Variants in SNX31 observed in about 807,000 individuals in gnomAD.
SNX31 encodes sorting nexin-31.
A neutral mutation model predicts 65.4 loss-of-function variants in SNX31; 58 were observed. The observed-to-expected ratio is 0.89, with a 90% confidence interval of 0.72 to 1.10. SNX31 has a LOEUF of 1.10. Ranked by LOEUF, SNX31 falls within the 50% of genes least tolerant of loss-of-function variation. SNX31 has a pLI of 0.00. For missense variants in SNX31, 523 were observed against 529.7 expected (o/e 0.99, Z 0.12); for synonymous variants, 181 against 190.1 (o/e 0.95, Z 0.39).
chr8:100,646,809 A>C (rs541194993), intron 2 of SNX31, among the ~76,000 whole-genome samples: 1 of 152,308 alleles, frequency 6.6e-6, no homozygotes, highest in East Asian at 1.9e-4. Flanking sequence ...AAAGTATGTT[A>C]GTTTAGGACT....
At chr8:100,649,123 T>G (rs1397274452) in intron 2 of SNX31, 151 bp downstream of exon 2, 3 of 700,222 alleles carry the variant, frequency 4.3e-6, no homozygotes, top group Admixed American at 4.9e-5. Context: ...GCAATTCAGT[T>G]CATCCTTACC....
At chr8:100,649,671 T>G (rs1442241274), upstream of SNX31, 3 of 645,996 alleles carry the variant, frequency 4.6e-6, no homozygotes, top group Non-Finnish European at 5.0e-6. Flanking sequence ...CATCTACAGG[T>G]GGGGCCGGGG....
intron 9 of SNX31, among the ~76,000 whole-genome samples, chr8:100,598,501 T>A (rs1032500798): frequency 2.0e-5 from 3 of 149,870 alleles, no homozygotes; most frequent in African/African-American, 7.7e-5. Flanking sequence ...TTTGTTTAAT[T>A]AAAAGTGAAG....
upstream of SNX31, among the ~76,000 whole-genome samples, chr8:100,650,943 C>T (rs1207682875): frequency 6.6e-6 from 1 of 151,106 alleles, no homozygotes. Context: ...ACCTCTGCCT[C>T]CCGGGTTCAA....
At chr8:100,590,918 A>G (rs1283853450) in intron 10 of SNX31, among the ~76,000 whole-genome samples, 2 of 152,198 alleles carry the variant, frequency 1.3e-5, no homozygotes, top group African/African-American at 2.4e-5. Flanking sequence ...TAATTATCCC[A>G]GCTTACCACC....
At chr8:100,598,358 G>C (rs1369451969) in intron 9 of SNX31, among the ~76,000 whole-genome samples, 1 of 152,218 alleles carries the variant, frequency 6.6e-6, no homozygotes, top group Non-Finnish European at 1.5e-5. Context: ...ACAGAGAGTA[G>C]TGTCATGCTT....
chr8:100,593,534 A>G (rs1814779789), intron 10 of SNX31, among the ~76,000 whole-genome samples: 1 of 149,772 alleles, frequency 6.7e-6, no homozygotes, highest in African/African-American at 2.5e-5. Flanking sequence ...GCTCACTGCA[A>G]CCTCCCCCTC....
intron 2 of SNX31, among the ~76,000 whole-genome samples, chr8:100,642,334 T>C (rs1460070579): frequency 3.3e-5 from 5 of 151,206 alleles, no homozygotes; most frequent in African/African-American, 7.3e-5. Flanking sequence ...ATTGTCTTCA[T>C]TGGCATGTGT....
intron 8 of SNX31, among the ~76,000 whole-genome samples, chr8:100,605,520 T>C (rs1341821231): frequency 1.3e-5 from 2 of 152,176 alleles, no homozygotes; most frequent in Non-Finnish European, 2.9e-5. Flanking sequence ...AAGGTTTGTA[T>C]GACAGTCTAT....
intron 4 of SNX31, among the ~76,000 whole-genome samples, chr8:100,627,079 C>T (rs574648996): frequency 5.9e-5 from 9 of 152,074 alleles, no homozygotes; most frequent in Non-Finnish European, 1.0e-4. Context: ...ACTGGCTGGG[C>T]GCAGTGGCTC....
At chr8:100,596,096 G>C (rs1330807878) in intron 10 of SNX31, among the ~76,000 whole-genome samples, 1 of 152,172 alleles carries the variant, frequency 6.6e-6, no homozygotes, top group Non-Finnish European at 1.5e-5. Context: ...GTTAACCTCA[G>C]TTTCCTGTGT....
At chr8:100,624,364 T>G (rs1817907036) in intron 4 of SNX31, among the ~76,000 whole-genome samples, 1 of 152,208 alleles carries the variant, frequency 6.6e-6, no homozygotes, top group Non-Finnish European at 1.5e-5. Context: ...AAGAGAAAGC[T>G]GTAAGATTTG....
chr8:100,625,001 G>C lies in SNX31; in HGVS notation c.321+5326C>G, dbSNP rs1817952289. Among the ~76,000 whole-genome samples the C allele has an allele frequency of 6.6e-6, 1 of 151,970 alleles. No individual in the cohort carries two copies. The highest frequency in any genetic ancestry group is 2.1e-4 in the South Asian group (1 of 4,814). ...TTATTATTATTTTTTTGTAGAGACAGAGTCTCACTATGTTGCCCAGGCTGG... is the reference window on the plus strand; with the variant it reads ...TTATTATTATTTTTTTGTAGAGACACAGTCTCACTATGTTGCCCAGGCTGG... On this transcript the variant is annotated intron_variant, in intron 4 of 13. Transcript: ENST00000311812. This position sits in a 1 kb window ranked among gnomAD's most constrained non-coding sequence, Gnocchi z 4.2.
intron 2 of SNX31, among the ~76,000 whole-genome samples, chr8:100,638,727 C>T (rs1384460296): frequency 6.6e-6 from 1 of 152,238 alleles, no homozygotes; most frequent in East Asian, 1.9e-4. Flanking sequence ...AAATACCCAA[C>T]TGATTTGAAA....
At chr8:100,598,536 ATGAG>A (rs1335178800) in intron 9 of SNX31, among the ~76,000 whole-genome samples, 2 of 149,942 alleles carry the variant, frequency 1.3e-5, no homozygotes, top group African/African-American at 2.5e-5. Context: ...AAAGGTGGTG[ATGAG>A]TAAGTAACTT....
chr8:100,620,904 G>T (rs891515924), intron 4 of SNX31, among the ~76,000 whole-genome samples: 1 of 152,190 alleles, frequency 6.6e-6, no homozygotes, highest in Non-Finnish European at 1.5e-5. Context: ...GATCACCTGA[G>T]GTCAGGAGTT....
At position 100,649,622 on chromosome 8, in the gene SNX31, T is replaced by A; in HGVS notation, c.-108A>T. ...GACGCAGCGCGGCCTGCCACGCGAC[T>A]CAGAGCGAACCCCGGCGCCCGCTCT... On this transcript the variant is annotated 5_prime_UTR_variant, in exon 1 of 14. An upstream open reading frame in the 5' UTR loses its in-frame stop. Coordinates refer to ENST00000311812, the MANE Select transcript of SNX31 (RefSeq NM_152628.4). The A allele has an allele frequency of 8.8e-7, 1 of 1,137,146 alleles. No individual in the cohort carries two copies. Among genetic ancestry groups the A allele is most frequent in the Non-Finnish European group, 1.2e-6 (1 of 807,150 alleles). 70.4% of individuals were successfully genotyped at this position (1,137,146 alleles called of 1,614,324 possible). A position where few individuals can be genotyped will look rare whatever the true frequency, so the allele number is the denominator to read the frequency against.
chr8:100,617,518 C>T (rs1817318556), intron 5 of SNX31, 102 bp downstream of exon 5: 2 of 769,666 alleles, frequency 2.6e-6, no homozygotes, highest in Admixed American at 2.5e-5. Context: ...AGTAAAACAA[C>T]AGGCCAGAAG....
In SNX31 at chr8:100,600,399, C is replaced by A. The variant is rs1356006083; in HGVS notation, c.724G>T (p.Ala242Ser). The change falls in exon 9 of 14, where the codon GCA becomes TCA. Residue 242 changes from alanine to serine, a missense_variant. Physicochemically the swap from Ala to Ser is moderately conservative, Grantham distance 99 (BLOSUM62 1). Transcript: ENST00000311812. ...IEKGWAKPTQ[A>S]QRQKLEAFQK... is the part of the protein sequence containing the mutation. ...AAAGCTTCTAATTTCTGCCTCTGTG[C>A]CTGTGTGGGTTTGGCCCATCCTTTT... is the stretch of plus-strand genomic sequence containing the variant. 4 of 1,613,744 alleles carry A rather than the reference C, an allele frequency of 2.5e-6. No homozygotes were observed. The highest frequency in any genetic ancestry group is 2.2e-5 in the South Asian group (2 of 91,058).
Sources: gnomAD v4.1 joint callset for allele counts (sites outside exome capture counted in the v4.1 genomes callset) on GRCh38, gnomAD v4.1.1 for gene constraint, Gnocchi (gnomAD v3.1) non-coding constraint, MANE v1.5 for transcripts, NCBI Gene and HGNC (gene_info 2026-07-23, HGNC 2026-07-21) for gene names.